GNAQ: variants seen among roughly 807,000 people sequenced by gnomAD.
GNAQ encodes G protein subunit alpha q, also known as guanine nucleotide-binding protein G(q) subunit alpha.
In GNAQ, 8 loss-of-function variants were observed where a neutral mutation model predicts 43.9. The observed-to-expected ratio is 0.18, with a 90% confidence interval of 0.11 to 0.33. The LOEUF is 0.33. Among genes scored for constraint, GNAQ ranks in the 10% least tolerant of loss-of-function variants. GNAQ has a pLI of 1.00. For synonymous variants in GNAQ, 155 were observed against 170.7 expected, an observed-to-expected ratio of 0.91 and a Z score of 0.71; for missense variants, 158 against 450.8, an observed-to-expected ratio of 0.35 and a Z score of 5.88.
intron 2 of GNAQ, among the ~76,000 whole-genome samples, chr9:77,844,427 C>T (rs902300356): frequency 7.2e-5 from 11 of 152,094 alleles, no homozygotes; most frequent in Non-Finnish European, 2.9e-5. Flanking sequence ...TATATTATTT[C>T]TCTATATAAC....
intron 1 of GNAQ, among the ~76,000 whole-genome samples, chr9:78,026,601 T>A (rs1823983411): frequency 6.6e-6 from 1 of 152,168 alleles, no homozygotes; most frequent in Non-Finnish European, 1.5e-5. Flanking sequence ...AGGCTTTCAC[T>A]CAATGGTTCT....
At chr9:77,796,901 T>C (rs911443746) in intron 4 of GNAQ, among the ~76,000 whole-genome samples, 7 of 152,196 alleles carry the variant, frequency 4.6e-5, no homozygotes, top group Non-Finnish European at 7.3e-5. Flanking sequence ...GTTAAAATGA[T>C]TGCCCAAAAA....
chr9:77,769,337 G>C (rs1217064833), intron 5 of GNAQ, among the ~76,000 whole-genome samples: 1 of 151,808 alleles, frequency 6.6e-6, no homozygotes, highest in Non-Finnish European at 1.5e-5. Context: ...GGGAAATGGA[G>C]GTTGCAGTGA....
chr9:77,931,741 T>A (rs1216132570), intron 1 of GNAQ, among the ~76,000 whole-genome samples: 1 of 152,238 alleles, frequency 6.6e-6, no homozygotes, highest in African/African-American at 2.4e-5. Context: ...AATAGCCCTG[T>A]GGCCTTGGGT....
intron 3 of GNAQ, among the ~76,000 whole-genome samples, chr9:77,812,810 C>G (rs1826948422): frequency 6.6e-6 from 1 of 151,970 alleles, no homozygotes; most frequent in South Asian, 2.1e-4. Context: ...TGTTAGAATT[C>G]ACTTTATTAC....
At chr9:77,811,564 G>A (rs1328535) in intron 3 of GNAQ, among the ~76,000 whole-genome samples, 126,575 of 152,146 alleles carry the variant, frequency 0.83, 53,082 homozygotes, top group African/African-American at 0.93. Context: ...CAGTGCTGTC[G>A]TATTTGCCAG....
intron 2 of GNAQ, among the ~76,000 whole-genome samples, chr9:77,915,416 C>T (rs1036954628): frequency 1.3e-5 from 2 of 152,144 alleles, no homozygotes; most frequent in Admixed American, 1.3e-4. Context: ...TAAATACCTC[C>T]TAAATCTGGT....
At chr9:77,742,138 G>C (rs1210240808) in intron 5 of GNAQ, among the ~76,000 whole-genome samples, 1 of 152,118 alleles carries the variant, frequency 6.6e-6, no homozygotes, top group Non-Finnish European at 1.5e-5. Flanking sequence ...TGACTTACTT[G>C]TAGGTACAAC....
chr9:77,901,451 T>G (rs552902995), intron 2 of GNAQ, among the ~76,000 whole-genome samples: 3 of 152,262 alleles, frequency 2.0e-5, no homozygotes, highest in Admixed American at 2.0e-4. Flanking sequence ...CTGCTCCCAC[T>G]CTCATTCATC....
intron 1 of GNAQ, among the ~76,000 whole-genome samples, chr9:77,996,508 T>C (rs901696084): frequency 1.3e-5 from 2 of 151,696 alleles, no homozygotes; most frequent in East Asian, 3.9e-4. Flanking sequence ...TGAAACCCTA[T>C]CCCTACAAAA....
intron 1 of GNAQ, among the ~76,000 whole-genome samples, chr9:77,976,930 C>T (rs1248599647): frequency 2.0e-5 from 3 of 152,134 alleles, no homozygotes; most frequent in South Asian, 4.1e-4. Context: ...CATTTAAAAC[C>T]ACCTGCCTGA....
intron 2 of GNAQ, among the ~76,000 whole-genome samples, chr9:77,899,383 T>A (rs923370572): frequency 3.3e-5 from 5 of 151,994 alleles, no homozygotes; most frequent in Admixed American, 3.3e-4. Flanking sequence ...AGGCATGAGC[T>A]ACTGTGTCCG....
intron 1 of GNAQ, among the ~76,000 whole-genome samples, chr9:78,003,082 T>C (rs1180655084): frequency 6.6e-6 from 1 of 152,216 alleles, no homozygotes; most frequent in Non-Finnish European, 1.5e-5. Context: ...AGAGCTTTGA[T>C]AATGTAGAGG....
intron 2 of GNAQ, among the ~76,000 whole-genome samples, chr9:77,830,433 G>A (rs1001110048): frequency 4.6e-5 from 7 of 152,128 alleles, no homozygotes; most frequent in African/African-American, 1.4e-4. Context: ...TAACAATGGC[G>A]CCAGGACTTG....
chr9:77,889,305 G>A (rs1828360998), intron 2 of GNAQ, among the ~76,000 whole-genome samples: 1 of 150,130 alleles, frequency 6.7e-6, no homozygotes, highest in Non-Finnish European at 1.5e-5. Context: ...CTACTCATCA[G>A]GAGGTTGAGG....
At chr9:77,808,948 C>A (rs1434123954) in intron 3 of GNAQ, among the ~76,000 whole-genome samples, 2 of 152,092 alleles carry the variant, frequency 1.3e-5, no homozygotes, top group African/African-American at 4.8e-5. Flanking sequence ...AACCAATATA[C>A]CCTGGAGTAC....
chr9:77,833,030 G>T (rs191881035), intron 2 of GNAQ, among the ~76,000 whole-genome samples: 2 of 152,074 alleles, frequency 1.3e-5, no homozygotes, highest in African/African-American at 2.4e-5. Context: ...GCAAAGGCAC[G>T]ATCTCGGCTC....
chr9:77,724,337 G>A (rs1402048614), intron 6 of GNAQ, among the ~76,000 whole-genome samples: 1 of 151,994 alleles, frequency 6.6e-6, no homozygotes, highest in Non-Finnish European at 1.5e-5. Flanking sequence ...GACTACAGGC[G>A]TGCACCACCA....
rs10123197 is a variant in GNAQ, at chr9:78,015,021, C to T, written c.136+16079G>A. On this transcript the variant is annotated intron_variant, in intron 1 of 6. Coordinates refer to ENST00000286548, the MANE Select transcript of GNAQ (RefSeq NM_002072.5). ...TGCCAGTTGTACAAAAGTGTACAGT[C>T]ATGTCCTAGACCCTCACATTCACTC... Among the ~76,000 whole-genome samples the T allele has an allele frequency of 5.8e-3, 888 of 152,312 alleles. 10 individuals carry two copies. Among genetic ancestry groups the T allele is most frequent in the African/African-American group, 0.021 (853 of 41,564 alleles).
Sources: allele counts gnomAD v4.1 joint callset (sites outside exome capture counted in the v4.1 genomes callset), GRCh38; gene constraint gnomAD v4.1.1; transcripts MANE v1.5; gene names NCBI Gene and HGNC (gene_info 2026-07-23, HGNC 2026-07-21).